MIPOL1: variants seen among roughly 807,000 people sequenced by gnomAD.
The protein encoded by MIPOL1 is mirror-image polydactyly 1.
A neutral mutation model predicts 60.9 loss-of-function variants in MIPOL1; 57 were observed. That is an observed-to-expected ratio of 0.94 (90% CI 0.76 to 1.17). The LOEUF is 1.17. Among genes scored for constraint, MIPOL1 ranks in the 50% most tolerant of loss-of-function variants. MIPOL1 has a pLI of 0.00. For synonymous variants in MIPOL1, 179 were observed against 168.8 expected (o/e 1.06, Z -0.47); for missense variants, 551 against 511.6 (o/e 1.08, Z -0.74).
intron 11 of MIPOL1, among the ~76,000 whole-genome samples, chr14:37,441,645 A>G (rs1265977494): frequency 1.3e-5 from 2 of 152,054 alleles, no homozygotes; most frequent in African/African-American, 2.4e-5. Context: ...GCCTCGTAGT[A>G]TAATTTGAAG....
At chr14:37,316,219 C>G (rs947711900) in intron 9 of MIPOL1, among the ~76,000 whole-genome samples, 1 of 151,630 alleles carries the variant, frequency 6.6e-6, no homozygotes, top group Non-Finnish European at 1.5e-5. Flanking sequence ...TTAGTAGAAA[C>G]GGGGTTTCAT....
chr14:37,517,471 C>T (rs7161326), intron 12 of MIPOL1, among the ~76,000 whole-genome samples: 112,653 of 151,960 alleles, frequency 0.74, 41,900 homozygotes, highest in East Asian at 0.85. Context: ...TGGTAAAACC[C>T]CTATGGAGGA....
intron 9 of MIPOL1, among the ~76,000 whole-genome samples, chr14:37,318,790 A>G (rs989837803): frequency 5.2e-5 from 7 of 135,830 alleles, no homozygotes; most frequent in African/African-American, 1.9e-4. Flanking sequence ...ATTTTACTTC[A>G]TTTTATTTAT....
intron 7 of MIPOL1, among the ~76,000 whole-genome samples, chr14:37,304,236 A>G (rs895559761): frequency 4.0e-5 from 6 of 151,556 alleles, no homozygotes; most frequent in Non-Finnish European, 8.9e-5. Context: ...CTGCTTTGCT[A>G]CTTCTGATCT....
chr14:37,314,930 G>C (rs1171066168), intron 9 of MIPOL1, among the ~76,000 whole-genome samples: 1 of 152,118 alleles, frequency 6.6e-6, no homozygotes, highest in Non-Finnish European at 1.5e-5. Flanking sequence ...GTTATGTGCT[G>C]TGTGTTGGGA....
intron 9 of MIPOL1, among the ~76,000 whole-genome samples, chr14:37,326,866 T>G (rs1291170247): frequency 6.6e-6 from 1 of 152,180 alleles, no homozygotes; most frequent in African/African-American, 2.4e-5. Flanking sequence ...AAATACTCAG[T>G]GTTCACATGT....
chr14:37,431,592 T>TTTC (rs1187685191), intron 11 of MIPOL1, among the ~76,000 whole-genome samples: 1 of 134,580 alleles, frequency 7.4e-6, no homozygotes, highest in East Asian at 2.2e-4. Context: ...TTTTTTTTTT[T>TTTC]TTTTGAGACA....
chr14:37,215,400 T>C (rs1325723370), intron 1 of MIPOL1, among the ~76,000 whole-genome samples: 2 of 151,874 alleles, frequency 1.3e-5, no homozygotes, highest in Admixed American at 6.6e-5. Context: ...ATCTTTTGTC[T>C]CCGCACACGG....
intron 11 of MIPOL1, among the ~76,000 whole-genome samples, chr14:37,445,376 G>A (rs1415924221): frequency 1.3e-5 from 2 of 152,060 alleles, no homozygotes; most frequent in Non-Finnish European, 1.5e-5. Flanking sequence ...GGACATGAAG[G>A]ACCTCTTCAA....
intron 11 of MIPOL1, among the ~76,000 whole-genome samples, chr14:37,458,885 A>G (rs2094507717): frequency 6.6e-6 from 1 of 151,458 alleles, no homozygotes; most frequent in African/African-American, 2.4e-5. Context: ...AAATAAATAA[A>G]TAGAAAATAA....
chr14:37,520,023 G>C (rs893132044), intron 12 of MIPOL1, among the ~76,000 whole-genome samples: 1 of 152,024 alleles, frequency 6.6e-6, no homozygotes, highest in Admixed American at 6.6e-5. Flanking sequence ...TCTATCAACA[G>C]GGGCCTGATT....
At chr14:37,531,907 G>C (rs2095481898) in intron 12 of MIPOL1, among the ~76,000 whole-genome samples, 1 of 152,190 alleles carries the variant, frequency 6.6e-6, no homozygotes, top group Non-Finnish European at 1.5e-5. Context: ...TTGGTGGACA[G>C]AGAAGGTGGT....
At chr14:37,546,873 C>T in intron 12 of MIPOL1, 32 bp from the exon 13 acceptor site, 1 of 1,585,488 alleles carries the variant, frequency 6.3e-7, no homozygotes, top group South Asian at 1.1e-5. Flanking sequence ...CCTTTTTTTC[C>T]CCTTCTCACC....
intron 10 of MIPOL1, among the ~76,000 whole-genome samples, chr14:37,419,539 G>GT (rs2093833217): frequency 1.3e-5 from 2 of 152,090 alleles, no homozygotes; most frequent in African/African-American, 4.8e-5. Context: ...TTGCATATAT[G>GT]TTTACTTTGA....
intron 1 of MIPOL1, chr14:37,227,888 A>G (rs1178463245): frequency 6.6e-6 from 1 of 152,182 alleles, no homozygotes; most frequent in Non-Finnish European, 1.5e-5. Flanking sequence ...TACTTTGTCT[A>G]CAATTCAAGT....
intron 8 of MIPOL1, 39 bp downstream of exon 8, chr14:37,308,128 T>C (rs2086948312): frequency 6.3e-7 from 1 of 1,586,020 alleles, no homozygotes; most frequent in Non-Finnish European, 8.6e-7. Flanking sequence ...ATGTCAGTCT[T>C]ATATCTTAGA....
chr14:37,476,995 G>C (rs986515787), intron 11 of MIPOL1, among the ~76,000 whole-genome samples: 3 of 148,690 alleles, frequency 2.0e-5, no homozygotes, highest in Non-Finnish European at 1.5e-5. Context: ...CCTCCTCCCA[G>C]GTTCCAGCAA....
intron 10 of MIPOL1, among the ~76,000 whole-genome samples, chr14:37,384,292 C>T (rs1324322083): frequency 3.3e-5 from 5 of 151,798 alleles, no homozygotes; most frequent in Admixed American, 3.3e-4. Flanking sequence ...TTGATTGCTT[C>T]TGCTTAGCCA....
chr14:37,355,205 T>G (rs1595353115), intron 9 of MIPOL1, among the ~76,000 whole-genome samples: 1 of 146,534 alleles, frequency 6.8e-6, no homozygotes, highest in African/African-American at 2.5e-5. Context: ...GGTTGAAAAT[T>G]CTTTTCTTTA....
Sources: allele counts gnomAD v4.1 joint callset (sites outside exome capture counted in the v4.1 genomes callset), GRCh38; gene constraint gnomAD v4.1.1; transcripts MANE v1.5; gene names NCBI Gene and HGNC (gene_info 2026-07-23, HGNC 2026-07-21).